ALDH7A1: variants seen among roughly 807,000 people sequenced by gnomAD.
ALDH7A1 encodes the protein aldehyde dehydrogenase 7 family member A1, also known as alpha-aminoadipic semialdehyde dehydrogenase.
A neutral mutation model predicts 79.9 loss-of-function variants in ALDH7A1; 63 were observed. The observed-to-expected ratio is 0.79, with a 90% CI of 0.64 to 0.97. The LOEUF (loss-of-function observed/expected upper bound fraction) is 0.97, where lower values mean the gene tolerates loss of function less well. ALDH7A1 is among the 50% of genes least tolerant of loss of function. The pLI is 0.00. For synonymous variants in ALDH7A1, 240 were observed against 231.2 expected (o/e 1.04, Z -0.34); for missense variants, 627 against 665.2 (o/e 0.94, Z 0.63).
At chr5:126,592,846 T>C in intron 2 of ALDH7A1, 117 bp from the exon 3 acceptor site, 1 of 1,021,520 alleles carries the variant, frequency 9.8e-7, no homozygotes, top group Non-Finnish European at 1.5e-6. Context: ...TCCCTAACAT[T>C]TATGGCTGAG....
intron 11 of ALDH7A1, 111 bp from the exon 12 acceptor site, chr5:126,556,126 A>G (rs1345830647): frequency 1.7e-6 from 1 of 590,796 alleles, no homozygotes; most frequent in Non-Finnish European, 2.9e-6. Flanking sequence ...AAAATATAAG[A>G]AAATCAAAGC....
chr5:126,576,586 T>C (rs1459484849), intron 6 of ALDH7A1, among the ~76,000 whole-genome samples: 1 of 152,182 alleles, frequency 6.6e-6, no homozygotes, highest in Non-Finnish European at 1.5e-5. Context: ...AAGACCTAAA[T>C]GGAAACACTG....
intron 5 of ALDH7A1, chr5:126,580,121 C>T (rs910061010): frequency 6.0e-6 from 1 of 167,224 alleles, no homozygotes; most frequent in Non-Finnish European, 1.5e-5. Context: ...GTTGTTGAGA[C>T]AGAGTTTTCT....
intron 9 of ALDH7A1, among the ~76,000 whole-genome samples, chr5:126,565,054 G>C (rs1201817680): frequency 6.6e-6 from 1 of 152,122 alleles, no homozygotes; most frequent in Non-Finnish European, 1.5e-5. Flanking sequence ...CTGCTCGTGG[G>C]ACTAATGATG....
intron 14 of ALDH7A1, among the ~76,000 whole-genome samples, chr5:126,550,625 C>T (rs916884321): frequency 1.4e-5 from 2 of 146,068 alleles, no homozygotes; most frequent in Non-Finnish European, 3.1e-5. Flanking sequence ...ATTTAATCCT[C>T]ATCCTATAAC....
At chr5:126,579,802 A>G (rs1751110427) in intron 5 of ALDH7A1, among the ~76,000 whole-genome samples, 2 of 152,152 alleles carry the variant, frequency 1.3e-5, no homozygotes, top group South Asian at 4.1e-4. Flanking sequence ...TACAAGAAAA[A>G]TTTTTAAATT....
In ALDH7A1 at chr5:126,555,955, T is replaced by C. The variant is rs761011399; in HGVS notation, c.1069A>G (p.Ile357Val). The C allele has an allele frequency of 6.2e-6, 10 of 1,613,628 alleles. No homozygotes were observed. The South Asian group carries it at 8.8e-5, about 14-fold the overall frequency. ...VNRLKKAYAQ[I>V]RVGNPWDPNV... ...CGGTCCCATGGGTTCCCAACTCGGATCTGTGCATAGGCCTTTTTAAGTCTG... is the reference window on the plus strand; with the variant it reads ...CGGTCCCATGGGTTCCCAACTCGGACCTGTGCATAGGCCTTTTTAAGTCTG... Residue 357 changes from isoleucine (I) to valine (V), a missense_variant, in exon 12 of 18, where the codon ATC becomes GTC. Transcript: ENST00000409134.
intron 17 of ALDH7A1, among the ~76,000 whole-genome samples, chr5:126,545,421 C>T (rs950309618): frequency 2.0e-5 from 3 of 151,684 alleles, no homozygotes; most frequent in Non-Finnish European, 2.9e-5. Context: ...CACCACCACG[C>T]CTGGCTAATT....
Position 126,546,373 on chromosome 5 carries a change from T to G in ALDH7A1, c.1516A>C (p.Arg506=), listed in dbSNP as rs1172512336. The change falls in exon 17 of 18, where the codon AGG becomes CGG. Residue 506 remains arginine (R), a synonymous_variant. Transcript: ENST00000409134. ...FGGEKHTGGG[R]ESGSDAWKQY... is the part of the protein sequence containing the mutation. ...TTCCAGGCATCACTGCCAGACTCCC[T>G]GCCACCACCAGTGTGCTTTTCTCCT... 5 of 1,614,076 alleles carry G rather than the reference T, an allele frequency of 3.1e-6. No homozygotes were observed. The highest frequency in any genetic ancestry group is 4.2e-6 in the Non-Finnish European group (5 of 1,180,034).
chr5:126,593,656 C>T, intron 1 of ALDH7A1: 2 of 597,568 alleles, frequency 3.3e-6, no homozygotes, highest in South Asian at 2.1e-5. Context: ...TAAACAAAAG[C>T]CTTAACATAA....
chr5:126,551,295 T>C (rs570213152), intron 14 of ALDH7A1, among the ~76,000 whole-genome samples: 1 of 151,700 alleles, frequency 6.6e-6, no homozygotes, highest in East Asian at 2.0e-4. Flanking sequence ...CAGCCTGTCC[T>C]CTGCTGGAGT....
At chr5:126,545,128 C>A in intron 17 of ALDH7A1, 109 bp from the exon 18 acceptor site, 1 of 802,484 alleles carries the variant, frequency 1.2e-6, no homozygotes, top group Non-Finnish European at 2.1e-6. Context: ...GCAAGATCTC[C>A]AAGTTACAAC....
intron 9 of ALDH7A1, among the ~76,000 whole-genome samples, chr5:126,562,583 C>G (rs1030007431): frequency 2.0e-5 from 3 of 152,066 alleles, no homozygotes; most frequent in African/African-American, 4.8e-5. Context: ...GGCGTGGTGG[C>G]TCATGCCTGT....
intron 3 of ALDH7A1, among the ~76,000 whole-genome samples, chr5:126,585,096 A>C (rs891983251): frequency 6.6e-6 from 1 of 152,078 alleles, no homozygotes; most frequent in African/African-American, 2.4e-5. Context: ...TCAGGAGTTC[A>C]AGACGAGCCT....
At position 126,592,271 on chromosome 5, in the gene ALDH7A1, G is replaced by A. The variant is rs1751578592; in HGVS notation, c.312+393C>T. 3.1e-5 allele frequency: 7 copies of A among 227,410 alleles called. No individual in the cohort carries two copies. The South Asian group carries it at 4.4e-4, about 14-fold the overall frequency. The allele number at this position is 227,410 out of a possible 1,614,324, so 14.1% of individuals were successfully genotyped here. On this transcript the variant is annotated intron_variant, in intron 3 of 17. Coordinates refer to ENST00000409134, the MANE Select transcript of ALDH7A1 (RefSeq NM_001182.5). ...ACCAGGAATGCTGACCTATTGCTGAGATACTCCCAGACAAATCTGGCAGGG... is the reference window on the plus strand; with the variant it reads ...ACCAGGAATGCTGACCTATTGCTGAAATACTCCCAGACAAATCTGGCAGGG...
At chr5:126,568,102 C>T (rs1043780703) in intron 9 of ALDH7A1, 157 bp downstream of exon 9, 7 of 692,386 alleles carry the variant, frequency 1.0e-5, no homozygotes, top group Non-Finnish European at 1.5e-5. Context: ...TAATATTCTA[C>T]TGCTAATAAC....
intron 16 of ALDH7A1, among the ~76,000 whole-genome samples, chr5:126,548,470 A>T (rs1017399758): frequency 1.4e-5 from 2 of 145,652 alleles, no homozygotes; most frequent in Admixed American, 7.1e-5. Context: ...CTCTGTCCCC[A>T]GACTTGAGTG....
At position 126,552,076 on chromosome 5, in the gene ALDH7A1, G is replaced by A. The variant is rs753598402; in HGVS notation, c.1262C>T (p.Ala421Val). ...PTIVTGLGHD[A>V]SIAHTETFAP... ...AAAAGTCTCTGTGTGTGCAATGGAC[G>A]CATCGTGGCCAAGACCTGTCACAAT... is the stretch of plus-strand genomic sequence containing the variant. Residue 421 changes from alanine to valine, a missense_variant, in exon 14 of 18, where the codon GCG becomes GTG. Physicochemically the swap from Ala to Val is moderately conservative, Grantham distance 64. Transcript: ENST00000409134. 23 of 1,613,872 alleles carry A rather than the reference G, an allele frequency of 1.4e-5. No homozygotes were observed. Among genetic ancestry groups the A allele is most frequent in the South Asian group, 6.6e-5 (6 of 91,066 alleles).
chr5:126,595,206 CCGGGACT>C lies in ALDH7A1; in HGVS notation c.-15_-9del. On this transcript the variant is annotated 5_prime_UTR_variant, in exon 1 of 18. Transcript: ENST00000409134. The stretch of plus-strand genomic sequence containing the variant: ...GCGAGGAAGGCGCCACATACTGAGC[CCGGGACT>C]CGGGATGAGCCCAAGGCCCTGAGAG... 2.6e-6 allele frequency: 4 copies of C among 1,551,834 alleles called. No homozygotes were observed. Among genetic ancestry groups the C allele is most frequent in the Non-Finnish European group, 3.5e-6 (4 of 1,147,040 alleles).
Sources: gnomAD v4.1 joint callset for allele counts (sites outside exome capture counted in the v4.1 genomes callset) on GRCh38, gnomAD v4.1.1 for gene constraint, MANE v1.5 for transcripts, NCBI Gene and HGNC (gene_info 2026-07-23, HGNC 2026-07-21) for gene names.